Variants in RBFOX1 observed in about 807,000 individuals in gnomAD.
RBFOX1 encodes the protein RNA binding protein fox-1 homolog 1.
Under a neutral mutation model 57.7 loss-of-function variants are expected in RBFOX1, and 8 were observed. That is an observed-to-expected ratio of 0.14 (90% confidence interval 0.08 to 0.25). The LOEUF (loss-of-function observed/expected upper bound fraction) is 0.25. RBFOX1 is among the 10% of genes least tolerant of loss of function. The probability of loss-of-function intolerance (pLI) is 1.00; values close to 1 mark genes in which losing one functional copy is unlikely to be tolerated. For missense variants in RBFOX1, 611 were observed against 548.5 expected (o/e 1.11, Z -1.14); for synonymous variants, 326 against 222.4 (o/e 1.47, Z -4.15).
intron 3 of RBFOX1, among the ~76,000 whole-genome samples, chr16:6,675,463 A>C (rs1009044140): frequency 6.6e-6 from 1 of 152,126 alleles, no homozygotes; most frequent in Admixed American, 6.5e-5. Context: ...TGCATTTGAC[A>C]AATTTAGTGA....
chr16:7,546,595 A>C (rs1234936924), intron 5 of RBFOX1, among the ~76,000 whole-genome samples: 2 of 152,300 alleles, frequency 1.3e-5, no homozygotes, highest in East Asian at 1.9e-4. Flanking sequence ...AAATTAGAAA[A>C]TAGATAAAAA....
chr16:5,426,701 T>C (rs986395222), intron 1 of RBFOX1, among the ~76,000 whole-genome samples: 3 of 152,178 alleles, frequency 2.0e-5, no homozygotes, highest in Admixed American at 6.5e-5. Flanking sequence ...TTGTGGCTGT[T>C]TTTTCTGTTA....
chr16:5,348,284 C>G (rs1446297487), intron 1 of RBFOX1, among the ~76,000 whole-genome samples: 1 of 152,138 alleles, frequency 6.6e-6, no homozygotes, highest in Non-Finnish European at 1.5e-5. Context: ...ATCCATGCAT[C>G]CAACAAATGT....
At chr16:5,444,899 A>G (rs1223860048) in intron 1 of RBFOX1, among the ~76,000 whole-genome samples, 1 of 152,140 alleles carries the variant, frequency 6.6e-6, no homozygotes, top group South Asian at 2.1e-4. Flanking sequence ...TACTAGCCCT[A>G]TTTTGCAGCC....
intron 3 of RBFOX1, among the ~76,000 whole-genome samples, chr16:5,761,488 T>C (rs903994361): frequency 1.3e-5 from 2 of 152,210 alleles, no homozygotes; most frequent in African/African-American, 4.8e-5. Context: ...CAGTTCCACA[T>C]GGCTTGGGAG....
intron 3 of RBFOX1, among the ~76,000 whole-genome samples, chr16:6,830,036 C>A (rs184001210): frequency 6.6e-6 from 1 of 152,228 alleles, no homozygotes; most frequent in East Asian, 1.9e-4. Context: ...CATGCCTCAG[C>A]CTCCCAAGTA....
At chr16:6,638,386 T>C (rs2098461523) in intron 2 of RBFOX1, among the ~76,000 whole-genome samples, 1 of 152,190 alleles carries the variant, frequency 6.6e-6, no homozygotes, top group East Asian at 1.9e-4. Flanking sequence ...ATTTCAATTT[T>C]CTGAGAAAAT....
At chr16:7,264,026 C>G (rs536523921) in intron 4 of RBFOX1, among the ~76,000 whole-genome samples, 3 of 151,880 alleles carry the variant, frequency 2.0e-5, no homozygotes, top group Admixed American at 6.5e-5. Flanking sequence ...CCCCATCAAA[C>G]CAACACCCTT....
intron 4 of RBFOX1, among the ~76,000 whole-genome samples, chr16:7,278,420 G>A (rs1189733842): frequency 1.3e-5 from 2 of 152,220 alleles, no homozygotes; most frequent in Non-Finnish European, 2.9e-5. Context: ...GCCAGAGGGT[G>A]TTGGACATTT....
At chr16:7,703,505 AG>A (rs2081434194) in intron 14 of RBFOX1, among the ~76,000 whole-genome samples, 3 of 152,214 alleles carry the variant, frequency 2.0e-5, no homozygotes, top group Non-Finnish European at 2.9e-5. Context: ...AAAAGTTCCC[AG>A]GGCATAAACG....
chr16:6,172,206 G>T (rs192574845), intron 1 of RBFOX1, among the ~76,000 whole-genome samples: 1 of 152,284 alleles, frequency 6.6e-6, no homozygotes, highest in South Asian at 2.1e-4. Context: ...GCAGCCAAGT[G>T]TGTCACTTTG....
chr16:7,079,572 C>T (rs1191449870), intron 4 of RBFOX1, among the ~76,000 whole-genome samples: 2 of 152,168 alleles, frequency 1.3e-5, no homozygotes, highest in Non-Finnish European at 2.9e-5. Context: ...CTGTTTCTCT[C>T]CCTCTGTATA....
intron 5 of RBFOX1, among the ~76,000 whole-genome samples, chr16:7,524,188 A>G (rs1464535909): frequency 6.6e-6 from 1 of 152,208 alleles, no homozygotes; most frequent in Admixed American, 6.5e-5. Flanking sequence ...GAAACCAGCC[A>G]TCCATCTGGT....
intron 5 of RBFOX1, among the ~76,000 whole-genome samples, chr16:7,560,912 C>T (rs764873305): frequency 6.6e-6 from 1 of 152,202 alleles, no homozygotes; most frequent in Admixed American, 6.5e-5. Context: ...AGAAATTTCA[C>T]ATATTCCCGT....
intron 1 of RBFOX1, among the ~76,000 whole-genome samples, chr16:6,227,591 G>A (rs1411740429): frequency 6.6e-6 from 1 of 150,502 alleles, no homozygotes; most frequent in East Asian, 1.9e-4. Flanking sequence ...TCTCCTTTCA[G>A]GCTTCCTCTT....
At chr16:5,961,935 A>G (rs1360938127) in intron 4 of RBFOX1, among the ~76,000 whole-genome samples, 3 of 152,220 alleles carry the variant, frequency 2.0e-5, no homozygotes, top group African/African-American at 4.8e-5. Flanking sequence ...TCTCTAATGT[A>G]AAAAAGATCC....
intron 4 of RBFOX1, among the ~76,000 whole-genome samples, chr16:5,922,125 C>G (rs926774458): frequency 6.6e-6 from 1 of 152,190 alleles, no homozygotes; most frequent in African/African-American, 2.4e-5. Context: ...CGCACCACTG[C>G]ATTCCAGCCT....
At chr16:6,196,961 A>G (rs1425378593) in intron 1 of RBFOX1, among the ~76,000 whole-genome samples, 2 of 152,218 alleles carry the variant, frequency 1.3e-5, no homozygotes, top group Non-Finnish European at 2.9e-5. Context: ...TAAAGCATCT[A>G]CTATGTGCTT....
chr16:6,646,504 A>T lies in RBFOX1; in HGVS notation c.-63-8099A>T, dbSNP rs187133979. 2.6e-5 allele frequency among the ~76,000 whole-genome samples: 4 copies of T among 152,190 alleles called. No homozygotes were observed. In the East Asian group the frequency reaches 7.8e-4, roughly 30 times the overall value. On this transcript the variant is annotated intron_variant, in intron 2 of 15. Transcript: ENST00000550418. ...TCCTCGGTGGCAGATTAAGAGCAAA[A>T]ATCTGCCTTTGGTTTATTGATTTCG...
Sources: allele counts gnomAD v4.1 joint callset (sites outside exome capture counted in the v4.1 genomes callset), GRCh38; gene constraint gnomAD v4.1.1; transcripts MANE v1.5; gene names NCBI Gene and HGNC (gene_info 2026-07-23, HGNC 2026-07-21).